Variants in PTPRA observed in about 807,000 individuals in gnomAD.
PTPRA encodes protein tyrosine phosphatase receptor type A.
Under a neutral mutation model 104.8 loss-of-function variants are expected in PTPRA, and 25 were observed. The ratio of observed to expected loss-of-function variants is 0.24; its 90% CI spans 0.17 to 0.33. PTPRA has a LOEUF of 0.33. Among genes scored for constraint, PTPRA ranks in the 10% least tolerant of loss-of-function variants. The pLI is 1.00. For missense variants in PTPRA, 765 were observed against 1,015.3 expected (o/e 0.75, Z 3.35); for synonymous variants, 323 against 368.9 (o/e 0.88, Z 1.43).
intron 5 of PTPRA, among the ~76,000 whole-genome samples, chr20:2,967,108 G>A (rs530079997): frequency 6.6e-5 from 10 of 152,254 alleles, no homozygotes; most frequent in African/African-American, 2.4e-4. Flanking sequence ...GTATATAGAG[G>A]TTAAATGATT....
chr20:3,020,334 G>C (rs1271210809), intron 13 of PTPRA, among the ~76,000 whole-genome samples: 1 of 151,942 alleles, frequency 6.6e-6, no homozygotes, highest in Admixed American at 6.6e-5. Context: ...TCCTGACCTC[G>C]TGATCCACCC....
chr20:2,977,682 T>C (rs1265325388), intron 6 of PTPRA, among the ~76,000 whole-genome samples: 1 of 151,868 alleles, frequency 6.6e-6, no homozygotes. Flanking sequence ...AGTGCCATTA[T>C]TATTATGAGT....
At chr20:2,991,577 C>T (rs930725133) in intron 9 of PTPRA, among the ~76,000 whole-genome samples, 5 of 151,990 alleles carry the variant, frequency 3.3e-5, no homozygotes, top group Admixed American at 6.6e-5. Context: ...AAGCATGAAA[C>T]GAATTATTTG....
At chr20:2,967,722 A>G (rs1375086416) in intron 5 of PTPRA, among the ~76,000 whole-genome samples, 2 of 152,248 alleles carry the variant, frequency 1.3e-5, no homozygotes, top group East Asian at 3.9e-4. Context: ...TTAGCTGGGC[A>G]TGGGTGCATG....
At chr20:2,927,935 G>A (rs1389414716) in intron 2 of PTPRA, among the ~76,000 whole-genome samples, 6 of 151,670 alleles carry the variant, frequency 4.0e-5, no homozygotes, top group Admixed American at 6.6e-5. Context: ...GCTTGAACCC[G>A]GGTGGTGGAG....
intron 2 of PTPRA, among the ~76,000 whole-genome samples, chr20:2,936,743 G>C (rs1355087312): frequency 4.6e-5 from 7 of 152,180 alleles, no homozygotes. Flanking sequence ...AAAGTGCTGG[G>C]ATTACAAGCG....
chr20:2,898,731 A>G (rs2059116449), intron 1 of PTPRA, among the ~76,000 whole-genome samples: 1 of 151,794 alleles, frequency 6.6e-6, no homozygotes, highest in Non-Finnish European at 1.5e-5. Context: ...AGTGGCACAC[A>G]CCTGTAGTCC....
At chr20:2,910,848 A>G (rs549188989) in intron 1 of PTPRA, among the ~76,000 whole-genome samples, 318 of 149,062 alleles carry the variant, frequency 2.1e-3, no homozygotes, top group Non-Finnish European at 3.8e-3. Context: ...CTCATGATCC[A>G]CCTGCCTTGG....
chr20:2,930,874 CAG>C (rs1196893782), intron 2 of PTPRA, among the ~76,000 whole-genome samples: 30 of 152,250 alleles, frequency 2.0e-4, no homozygotes, highest in East Asian at 9.6e-4. Flanking sequence ...CAACCCATAA[CAG>C]GGGCCAAACT....
intron 9 of PTPRA, among the ~76,000 whole-genome samples, chr20:2,999,816 T>C (rs930966162): frequency 5.9e-5 from 9 of 152,248 alleles, no homozygotes; most frequent in South Asian, 2.1e-4. Flanking sequence ...TTCTTAAGAC[T>C]TAAAATGTTG....
In PTPRA at chr20:3,037,161, G is replaced by A; in HGVS notation, c.2206G>A (p.Ala736Thr). The A allele has an allele frequency of 6.2e-7, 1 of 1,614,086 alleles. No homozygotes were observed. Among genetic ancestry groups the A allele is most frequent in the Non-Finnish European group, 8.5e-7 (1 of 1,179,976 alleles). Residue 736 changes from alanine (A) to threonine (T), a missense_variant, in exon 23 of 24, where the codon GCA becomes ACA. Ala to Thr is a moderately conservative substitution (Grantham distance 58, BLOSUM62 0). Transcript: ENST00000399903. The surrounding 1 kb of genome is among the most constrained non-coding windows in gnomAD (Gnocchi z 4.3). Reference protein sequence around the residue: ...HPITVHCSAGAGRTGTFCALS... With the variant: ...HPITVHCSAGTGRTGTFCALS... ...GTGTCTGCTCTGTTGCAGCGCCGGG[G>A]CAGGAAGGACGGGGACCTTCTGTGC...
intron 2 of PTPRA, among the ~76,000 whole-genome samples, chr20:2,928,353 C>T (rs1366680618): frequency 2.6e-5 from 4 of 151,974 alleles, no homozygotes; most frequent in Non-Finnish European, 2.9e-5. Flanking sequence ...GCTGATCTGC[C>T]CTCCTTGGCC....
chr20:3,031,333 C>T (rs748465700), intron 20 of PTPRA, among the ~76,000 whole-genome samples: 6 of 151,516 alleles, frequency 4.0e-5, no homozygotes, highest in African/African-American at 1.2e-4. Context: ...ATCTAGAGGC[C>T]GTAACGTGAA....
chr20:2,990,107 G>A (rs2063105982), intron 9 of PTPRA, among the ~76,000 whole-genome samples: 1 of 152,194 alleles, frequency 6.6e-6, no homozygotes, highest in South Asian at 2.1e-4. Flanking sequence ...GGGGTTACAG[G>A]TGTTAATATC....
intron 2 of PTPRA, among the ~76,000 whole-genome samples, chr20:2,943,085 C>A (rs566524020): frequency 6.6e-6 from 1 of 151,118 alleles, no homozygotes; most frequent in African/African-American, 2.4e-5. Flanking sequence ...AGACCCTGTT[C>A]TTTTAGTGGT....
chr20:3,024,892 T>G (rs1017767034), intron 17 of PTPRA, among the ~76,000 whole-genome samples: 1 of 101,162 alleles, frequency 9.9e-6, no homozygotes, highest in Admixed American at 9.9e-5. Flanking sequence ...AAGAGCAGTT[T>G]TTTCTGTAAG....
At chr20:2,888,094 G>T (rs2090477890) in intron 1 of PTPRA, among the ~76,000 whole-genome samples, 2 of 152,158 alleles carry the variant, frequency 1.3e-5, no homozygotes, top group South Asian at 4.1e-4. Context: ...AGAAGCTCAG[G>T]GAGACTATAC....
rs887995740 is a variant in PTPRA at position 2,948,869 on chromosome 20, G to A, written c.-7+845G>A. ...GGGGAGGCTGAGGCAGGAGAATGGCGTGAACCCGGGAGGCGGAGCTTGCAG... is the reference window on the plus strand; with the variant it reads ...GGGGAGGCTGAGGCAGGAGAATGGCATGAACCCGGGAGGCGGAGCTTGCAG... On this transcript the variant is annotated intron_variant, in intron 3 of 23. Transcript: ENST00000399903. 7.2e-5 allele frequency among the ~76,000 whole-genome samples: 11 copies of A among 151,904 alleles called. No homozygotes were observed. In the East Asian group the frequency reaches 7.7e-4, roughly 11 times the overall value.
intron 1 of PTPRA, among the ~76,000 whole-genome samples, chr20:2,893,941 C>CT (rs1288692003): frequency 6.6e-6 from 1 of 151,764 alleles, no homozygotes; most frequent in Non-Finnish European, 1.5e-5. Flanking sequence ...AAGCATTCTA[C>CT]TAGAACTAAA....
Sources: gnomAD v4.1 joint callset for allele counts (sites outside exome capture counted in the v4.1 genomes callset) on GRCh38, gnomAD v4.1.1 for gene constraint, Gnocchi (gnomAD v3.1) non-coding constraint, MANE v1.5 for transcripts, NCBI Gene and HGNC (gene_info 2026-07-23, HGNC 2026-07-21) for gene names.